SLC38A10: variants seen among roughly 807,000 people sequenced by gnomAD.
SLC38A10 encodes solute carrier family 38 member 10.
Under a neutral mutation model 81.0 loss-of-function variants are expected in SLC38A10, and 53 were observed. The ratio of observed to expected loss-of-function variants is 0.65; its 90% confidence interval spans 0.53 to 0.82. The LOEUF is 0.82. Among genes scored for constraint, SLC38A10 ranks in the 40% least tolerant of loss-of-function variants. The pLI is 0.00. For missense variants in SLC38A10, 1,471 were observed against 1,545.0 expected (o/e 0.95, Z 0.80); for synonymous variants, 665 against 655.3 (o/e 1.01, Z -0.23).
At chr17:81,287,570 T>C (rs1248432925) in intron 2 of SLC38A10, among the ~76,000 whole-genome samples, 2 of 152,180 alleles carry the variant, frequency 1.3e-5, no homozygotes, top group Non-Finnish European at 2.9e-5. Context: ...CCGTGTTTGG[T>C]GTCAAAGGCA....
At chr17:81,269,710 C>T (rs1412145088) in intron 10 of SLC38A10, among the ~76,000 whole-genome samples, 1 of 151,364 alleles carries the variant, frequency 6.6e-6, no homozygotes, top group East Asian at 2.0e-4. Context: ...TGAGGCCGGG[C>T]GCATTGGCTC....
At chr17:81,256,583 T>A (rs1457732816) in intron 11 of SLC38A10, among the ~76,000 whole-genome samples, 1 of 152,142 alleles carries the variant, frequency 6.6e-6, no homozygotes, top group Non-Finnish European at 1.5e-5. Context: ...GAGTGCCTCA[T>A]CCACTCAAGT....
chr17:81,290,548 G>C (rs769116989), intron 1 of SLC38A10, among the ~76,000 whole-genome samples: 6 of 152,214 alleles, frequency 3.9e-5, no homozygotes, highest in African/African-American at 9.6e-5. Flanking sequence ...AGGAAACTCA[G>C]AAAAGGCAAA....
intron 14 of SLC38A10, chr17:81,251,241 G>C (rs1381955413): frequency 6.9e-7 from 1 of 1,458,744 alleles, no homozygotes; most frequent in South Asian, 1.2e-5. Context: ...GAGATAAAAC[G>C]GTAATCACAA....
chr17:81,257,907 C>T (rs1374370708), intron 11 of SLC38A10, among the ~76,000 whole-genome samples: 1 of 152,270 alleles, frequency 6.6e-6, no homozygotes, highest in African/African-American at 2.4e-5. Context: ...AGGGGACCTG[C>T]AGCTCCAAGA....
At chr17:81,282,363 C>T (rs1480639647) in intron 4 of SLC38A10, 31 bp from the exon 5 acceptor site, 2 of 1,582,290 alleles carry the variant, frequency 1.3e-6, no homozygotes, top group South Asian at 2.3e-5. Context: ...GTCTTGGCCA[C>T]AGCCCGTGCC....
chr17:81,270,789 T>G lies in SLC38A10; in HGVS notation c.1131+129A>C. On this transcript the variant is annotated intron_variant, in intron 10 of 15. Coordinates refer to ENST00000374759, the MANE Select transcript of SLC38A10 (RefSeq NM_001037984.3). The surrounding 1 kb of genome is among the most constrained non-coding windows in gnomAD (Gnocchi z 4.0). ...CCCAGGCTGACTGGACCAAGTCCCTTTTGTGGGTTTTAAGTTTCTTGATAG... is the reference window on the plus strand; with the variant it reads ...CCCAGGCTGACTGGACCAAGTCCCTGTTGTGGGTTTTAAGTTTCTTGATAG... 4.2e-6 allele frequency: 3 copies of G among 716,198 alleles called. No individual in the cohort carries two copies. The highest frequency in any genetic ancestry group is 2.7e-5 in the East Asian group (1 of 36,544). 44.4% of individuals were successfully genotyped at this position (716,198 alleles called of 1,614,324 possible). A position where few individuals can be genotyped will look rare whatever the true frequency, so the allele number is the denominator to read the frequency against.
At chr17:81,280,340 C>T (rs1432812903) in intron 6 of SLC38A10, among the ~76,000 whole-genome samples, 1 of 152,210 alleles carries the variant, frequency 6.6e-6, no homozygotes, top group Non-Finnish European at 1.5e-5. Flanking sequence ...TCCCCCACAG[C>T]CAATGCTCTG....
At chr17:81,257,594 G>A (rs775413643) in intron 11 of SLC38A10, among the ~76,000 whole-genome samples, 1 of 152,228 alleles carries the variant, frequency 6.6e-6, no homozygotes, top group South Asian at 2.1e-4. Context: ...GTTGAGCCAC[G>A]TGACCTGCCT....
intron 11 of SLC38A10, among the ~76,000 whole-genome samples, chr17:81,255,579 C>T (rs1178607139): frequency 6.6e-6 from 1 of 152,212 alleles, no homozygotes. Flanking sequence ...AGGCCAGCAA[C>T]ACACCCGGCT....
At position 81,270,541 on chromosome 17, in the gene SLC38A10, C is replaced by T. The variant is rs972456263; in HGVS notation, c.1131+377G>A. On this transcript the variant is annotated intron_variant, in intron 10 of 15. Transcript: ENST00000374759. The surrounding 1 kb of genome is among the most constrained non-coding windows in gnomAD (Gnocchi z 4.0). Reference sequence around the variant, plus strand: ...AGCACGCACATCTCCGTGGGAGGGTCGCACCAGGAACAACGGTGGGTGGTG... The same window carrying T: ...AGCACGCACATCTCCGTGGGAGGGTTGCACCAGGAACAACGGTGGGTGGTG... Among the ~76,000 whole-genome samples, 3 of 151,970 alleles carry T rather than the reference C, an allele frequency of 2.0e-5. No individual in the cohort carries two copies. Among genetic ancestry groups the T allele is most frequent in the South Asian group, 2.1e-4 (1 of 4,810 alleles).
At chr17:81,278,976 C>T (rs1048391229) in intron 6 of SLC38A10, among the ~76,000 whole-genome samples, 1 of 152,240 alleles carries the variant, frequency 6.6e-6, no homozygotes, top group Non-Finnish European at 1.5e-5. Flanking sequence ...AGCCACAAAA[C>T]CTCCTGGCCA....
chr17:81,285,165 C>T (rs938736156), intron 2 of SLC38A10: 4 of 356,738 alleles, frequency 1.1e-5, no homozygotes, highest in Non-Finnish European at 2.0e-5. Flanking sequence ...GACAAAGAGA[C>T]AAGTCCCTGC....
intron 13 of SLC38A10, 56 bp downstream of exon 13, chr17:81,252,139 G>A: frequency 6.7e-7 from 1 of 1,486,478 alleles, no homozygotes; most frequent in Non-Finnish European, 8.9e-7. Flanking sequence ...CCCCTGCCCA[G>A]CCTCCCCAGC....
Position 81,286,491 on chromosome 17 carries a change from A to G in SLC38A10, c.218-1596T>C, listed in dbSNP as rs2063268186. Among the ~76,000 whole-genome samples the G allele has an allele frequency of 6.6e-6, 1 of 152,070 alleles. No individual in the cohort carries two copies. The highest frequency in any genetic ancestry group is 2.4e-5 in the African/African-American group (1 of 41,384). Reference sequence around the variant, plus strand: ...AATCCCTCGGCAACTTCTCCTCCCCAGGTTCAAACACCAGCCCCAGTTGGA... The same window carrying G: ...AATCCCTCGGCAACTTCTCCTCCCCGGGTTCAAACACCAGCCCCAGTTGGA... On this transcript the variant is annotated intron_variant, in intron 2 of 15. Coordinates refer to ENST00000374759, the MANE Select transcript of SLC38A10 (RefSeq NM_001037984.3). The surrounding 1 kb of genome is among the most constrained non-coding windows in gnomAD (Gnocchi z 6.0).
chr17:81,279,105 T>A (rs1157312573), intron 6 of SLC38A10, among the ~76,000 whole-genome samples: 1 of 151,970 alleles, frequency 6.6e-6, no homozygotes, highest in Non-Finnish European at 1.5e-5. Context: ...CCTACCAGAG[T>A]CAAATGGAGC....
chr17:81,259,754 A>C (rs2063004551), intron 11 of SLC38A10, among the ~76,000 whole-genome samples: 1 of 152,302 alleles, frequency 6.6e-6, no homozygotes, highest in East Asian at 1.9e-4. Context: ...CCCCTCCTGA[A>C]GCGGCCTGCA....
chr17:81,265,616 G>C lies in SLC38A10; in HGVS notation c.1132-5222C>G, dbSNP rs1191298759. 6.6e-5 allele frequency among the ~76,000 whole-genome samples: 10 copies of C among 152,166 alleles called. No homozygotes were observed. Among genetic ancestry groups the C allele is most frequent in the Non-Finnish European group, 1.5e-4 (10 of 68,022 alleles). ...GGCTCTTCCTGAGGTCCCTGGGCTG[G>C]GTACAGGCACCATATCGCTGAGAGT... On this transcript the variant is annotated intron_variant, in intron 10 of 15. Coordinates refer to ENST00000374759, the MANE Select transcript of SLC38A10 (RefSeq NM_001037984.3). The surrounding 1 kb of genome is among the most constrained non-coding windows in gnomAD (Gnocchi z 4.2).
chr17:81,292,071 T>TTA (rs2063315514), intron 1 of SLC38A10, among the ~76,000 whole-genome samples: 2 of 152,062 alleles, frequency 1.3e-5, no homozygotes. Flanking sequence ...TCAATGTTTA[T>TTA]TATATATATA....
Sources: gnomAD v4.1 joint callset for allele counts (sites outside exome capture counted in the v4.1 genomes callset) on GRCh38, gnomAD v4.1.1 for gene constraint, Gnocchi (gnomAD v3.1) non-coding constraint, MANE v1.5 for transcripts, NCBI Gene and HGNC (gene_info 2026-07-23, HGNC 2026-07-21) for gene names.